The following NEDD4L variants were observed in gnomAD, a reference collection of about 807,000 sequenced individuals.
NEDD4L encodes E3 ubiquitin-protein ligase NEDD4-like.
Under a neutral mutation model 148.9 loss-of-function variants are expected in NEDD4L, and 54 were observed. The observed-to-expected ratio is 0.36, with a 90% CI of 0.29 to 0.45. The LOEUF is 0.45. Ranked by LOEUF, NEDD4L falls within the 20% of genes least tolerant of loss-of-function variation. NEDD4L has a pLI of 1.00. For synonymous variants in NEDD4L, 433 were observed against 440.7 expected, an observed-to-expected ratio of 0.98 and a Z score of 0.22; for missense variants, 856 against 1,233.8, an observed-to-expected ratio of 0.69 and a Z score of 4.59.
At chr18:58,331,391 A>T (rs2059776188) in intron 11 of NEDD4L, among the ~76,000 whole-genome samples, 1 of 152,228 alleles carries the variant, frequency 6.6e-6, no homozygotes, top group Non-Finnish European at 1.5e-5. Flanking sequence ...TAAGTGGCTC[A>T]TCCAAGACAA....
At chr18:58,216,571 G>C (rs751510504) in intron 2 of NEDD4L, among the ~76,000 whole-genome samples, 6 of 152,184 alleles carry the variant, frequency 3.9e-5, no homozygotes, top group Non-Finnish European at 7.3e-5. Context: ...GAGCCCTTAG[G>C]ATCTGTTGAT....
intron 26 of NEDD4L, among the ~76,000 whole-genome samples, chr18:58,386,719 G>A (rs564462315): frequency 6.6e-6 from 1 of 152,336 alleles, no homozygotes; most frequent in East Asian, 1.9e-4. Flanking sequence ...CTGAGGCAGA[G>A]CTCTCGTGGG....
At chr18:58,281,276 CT>C (rs769065200) in intron 5 of NEDD4L, among the ~76,000 whole-genome samples, 4 of 151,346 alleles carry the variant, frequency 2.6e-5, no homozygotes, top group Non-Finnish European at 5.9e-5. Context: ...CTGTAAGCTG[CT>C]GTGCCCAGCC....
At chr18:58,169,328 C>T (rs1214228133) in intron 2 of NEDD4L, among the ~76,000 whole-genome samples, 1 of 152,188 alleles carries the variant, frequency 6.6e-6, no homozygotes, top group Non-Finnish European at 1.5e-5. Context: ...GAGAAAGATG[C>T]TTCCCTTTGG....
At chr18:58,101,360 G>T (rs1284785754) in intron 1 of NEDD4L, among the ~76,000 whole-genome samples, 1 of 152,202 alleles carries the variant, frequency 6.6e-6, no homozygotes, top group Non-Finnish European at 1.5e-5. Context: ...GTCCTCCTCA[G>T]GGTCTGTGAA....
intron 5 of NEDD4L, among the ~76,000 whole-genome samples, chr18:58,254,396 G>A (rs2048263758): frequency 6.6e-6 from 1 of 151,850 alleles, no homozygotes; most frequent in Non-Finnish European, 1.5e-5. Flanking sequence ...AGTTTTTTGA[G>A]TGTGCACTTT....
At chr18:58,260,033 A>C (rs1488189637) in intron 5 of NEDD4L, among the ~76,000 whole-genome samples, 1 of 152,144 alleles carries the variant, frequency 6.6e-6, no homozygotes, top group Non-Finnish European at 1.5e-5. Flanking sequence ...TCGAGTATCC[A>C]ATGTATTAAC....
At chr18:58,154,817 T>A (rs1244374396) in intron 1 of NEDD4L, among the ~76,000 whole-genome samples, 2 of 152,176 alleles carry the variant, frequency 1.3e-5, no homozygotes, top group East Asian at 3.9e-4. Flanking sequence ...GCAAAAACAA[T>A]CCAGTTATTC....
chr18:58,324,209 T>C (rs1274759207), intron 8 of NEDD4L, among the ~76,000 whole-genome samples: 3 of 152,252 alleles, frequency 2.0e-5, no homozygotes, highest in East Asian at 3.8e-4. Flanking sequence ...ATCCAAGGAA[T>C]TTTTTACACT....
chr18:58,083,445 TG>T (rs2083572273), intron 1 of NEDD4L, among the ~76,000 whole-genome samples: 1 of 152,196 alleles, frequency 6.6e-6, no homozygotes, highest in Admixed American at 6.5e-5. Context: ...CCCAGCACTT[TG>T]GGAGTCTGAA....
chr18:58,157,470 A>G (rs1240070507), intron 1 of NEDD4L, among the ~76,000 whole-genome samples: 1 of 152,170 alleles, frequency 6.6e-6, no homozygotes, highest in Admixed American at 6.5e-5. Context: ...ATTCGTACAC[A>G]CACACACACC....
chr18:58,364,972 G>A (rs921494720), intron 20 of NEDD4L, among the ~76,000 whole-genome samples: 2 of 152,246 alleles, frequency 1.3e-5, no homozygotes, highest in South Asian at 2.1e-4. Flanking sequence ...CTCCTTAGCA[G>A]TTTTCTCTTC....
chr18:58,163,580 C>T (rs774512063), intron 1 of NEDD4L, among the ~76,000 whole-genome samples: 2 of 152,238 alleles, frequency 1.3e-5, no homozygotes, highest in African/African-American at 2.4e-5. Flanking sequence ...TTCATGAAGA[C>T]TGGCAAACAC....
chr18:58,335,711 G>A lies in NEDD4L; in HGVS notation c.1125+174G>A, dbSNP rs979684417. Reference sequence around the variant, plus strand: ...ATTTGGGGATTGTTTAAAGGTACTGGGTAAAATAGAATGATTTTTTTAGTC... The same window carrying A: ...ATTTGGGGATTGTTTAAAGGTACTGAGTAAAATAGAATGATTTTTTTAGTC... On this transcript the variant is annotated intron_variant, in intron 13 of 30. Coordinates refer to ENST00000400345, the MANE Select transcript of NEDD4L (RefSeq NM_001144967.3). 13 of 542,094 alleles carry A rather than the reference G, an allele frequency of 2.4e-5. No individual in the cohort carries two copies. In the Admixed American group the frequency reaches 3.1e-4, roughly 13 times the overall value. The allele number at this position is 542,094 out of a possible 1,614,324, so 33.6% of individuals were successfully genotyped here. A position where few individuals can be genotyped will look rare whatever the true frequency, so the allele number is the denominator to read the frequency against.
chr18:58,107,788 C>T (rs1301463555), intron 1 of NEDD4L, among the ~76,000 whole-genome samples: 1 of 152,086 alleles, frequency 6.6e-6, no homozygotes, highest in Non-Finnish European at 1.5e-5. Flanking sequence ...TTTTCCTCCC[C>T]TGCAGCTTTA....
intron 2 of NEDD4L, among the ~76,000 whole-genome samples, chr18:58,175,755 T>A (rs1244545272): frequency 6.6e-6 from 1 of 152,132 alleles, no homozygotes; most frequent in Non-Finnish European, 1.5e-5. Context: ...GGATAGTAAC[T>A]CCCTCCCGCA....
intron 1 of NEDD4L, among the ~76,000 whole-genome samples, chr18:58,161,958 G>C (rs573723549): frequency 6.6e-6 from 1 of 152,084 alleles, no homozygotes; most frequent in African/African-American, 2.4e-5. Context: ...TTGCATGTCC[G>C]GGTAGAAAAG....
At chr18:58,286,200 C>T (rs1351954431) in intron 5 of NEDD4L, among the ~76,000 whole-genome samples, 5 of 152,130 alleles carry the variant, frequency 3.3e-5, no homozygotes, top group South Asian at 2.1e-4. Context: ...ATGTAAACGT[C>T]GAATGAGCAC....
chr18:58,050,844 T>C (rs773660209), intron 1 of NEDD4L, among the ~76,000 whole-genome samples: 5 of 152,208 alleles, frequency 3.3e-5, no homozygotes, highest in Non-Finnish European at 7.3e-5. Flanking sequence ...CTGTAGTTTC[T>C]TTACCATTAC....
Sources: gnomAD v4.1 joint callset for allele counts (sites outside exome capture counted in the v4.1 genomes callset) on GRCh38, gnomAD v4.1.1 for gene constraint, MANE v1.5 for transcripts, NCBI Gene and HGNC (gene_info 2026-07-23, HGNC 2026-07-21) for gene names.